Variants in SNX13 observed in about 807,000 individuals in gnomAD.
SNX13 encodes the protein sorting nexin-13.
SNX13 carries 45 observed loss-of-function variants against 133.6 expected under a neutral mutation model. That is an observed-to-expected ratio of 0.34 (90% CI 0.27 to 0.43). The LOEUF (loss-of-function observed/expected upper bound fraction) is 0.43. SNX13 is among the 20% of genes least tolerant of loss of function. The pLI, the probability that SNX13 is intolerant of heterozygous loss-of-function variation, is 1.00. For missense variants in SNX13, 1,032 were observed against 1,145.1 expected (o/e 0.90, Z 1.43); for synonymous variants, 414 against 373.9 (o/e 1.11, Z -1.24).
chr7:17,801,776 T>C (rs1442419415), intron 21 of SNX13, 117 bp from the exon 22 acceptor site: 19 of 646,986 alleles, frequency 2.9e-5, no homozygotes, highest in Non-Finnish European at 4.2e-5. Flanking sequence ...GTACAATATA[T>C]AAGCCAAATT....
intron 12 of SNX13, among the ~76,000 whole-genome samples, chr7:17,845,061 C>G (rs896026206): frequency 1.3e-5 from 2 of 151,914 alleles, no homozygotes; most frequent in African/African-American, 4.8e-5. Context: ...CACTTCGTTT[C>G]AACATAGTAC....
intron 1 of SNX13, among the ~76,000 whole-genome samples, chr7:17,933,347 T>C (rs1313331959): frequency 1.3e-5 from 2 of 152,000 alleles, no homozygotes; most frequent in Non-Finnish European, 2.9e-5. Context: ...ATGGAGACCA[T>C]CGTGGCTAAC....
At chr7:17,903,314 C>T (rs191788898) in intron 1 of SNX13, among the ~76,000 whole-genome samples, 2 of 152,282 alleles carry the variant, frequency 1.3e-5, no homozygotes, top group Admixed American at 1.3e-4. Flanking sequence ...GAAGGAAGGA[C>T]AATTATATAT....
At chr7:17,913,181 G>T (rs1477339181) in intron 1 of SNX13, among the ~76,000 whole-genome samples, 2 of 152,158 alleles carry the variant, frequency 1.3e-5, no homozygotes, top group Non-Finnish European at 2.9e-5. Flanking sequence ...AACCCACCTT[G>T]GGTCAAAGGA....
At chr7:17,934,236 T>C (rs183593835) in intron 1 of SNX13, among the ~76,000 whole-genome samples, 65 of 152,264 alleles carry the variant, frequency 4.3e-4, no homozygotes, top group Admixed American at 9.1e-4. Context: ...GACTCTGAAA[T>C]AGAAAGTCAA....
intron 1 of SNX13, among the ~76,000 whole-genome samples, chr7:17,902,006 T>C (rs1797892090): frequency 6.6e-6 from 1 of 152,090 alleles, no homozygotes; most frequent in Non-Finnish European, 1.5e-5. Flanking sequence ...CAAAAAAGAG[T>C]CAAAATGAGT....
At chr7:17,913,837 T>C (rs1040709461) in intron 1 of SNX13, among the ~76,000 whole-genome samples, 12 of 137,824 alleles carry the variant, frequency 8.7e-5, no homozygotes, top group Non-Finnish European at 1.6e-4. Flanking sequence ...ACTCCGACAA[T>C]ACAAAAGCCA....
intron 1 of SNX13, among the ~76,000 whole-genome samples, chr7:17,933,265 C>T (rs1801611280): frequency 6.6e-6 from 1 of 152,156 alleles, no homozygotes; most frequent in Admixed American, 6.5e-5. Context: ...TTAAGGCGGC[C>T]GGGCCCAGTG....
At chr7:17,919,722 G>A (rs1350882893) in intron 1 of SNX13, among the ~76,000 whole-genome samples, 5 of 152,140 alleles carry the variant, frequency 3.3e-5, no homozygotes, top group East Asian at 3.8e-4. Context: ...GGAGGAAAGC[G>A]AAACAAGCAT....
intron 1 of SNX13, among the ~76,000 whole-genome samples, chr7:17,938,964 C>T (rs909275563): frequency 2.6e-5 from 4 of 152,142 alleles, no homozygotes; most frequent in Non-Finnish European, 4.4e-5. Context: ...TCTCAATTAA[C>T]TCCAAGAATG....
chr7:17,871,376 T>C (rs1265844575), intron 8 of SNX13, among the ~76,000 whole-genome samples: 2 of 152,064 alleles, frequency 1.3e-5, no homozygotes, highest in African/African-American at 4.8e-5. Flanking sequence ...TGGGGGAAAA[T>C]GCCAGTGTGG....
intron 12 of SNX13, among the ~76,000 whole-genome samples, chr7:17,841,553 T>TACACACACAC (rs71553704): frequency 0.1 from 14,941 of 142,970 alleles, 1,049 homozygotes; most frequent in East Asian, 0.18. Flanking sequence ...CAGTTATTCA[T>TACACACACAC]ACACACACAC....
chr7:17,803,126 C>T (rs371770920), intron 21 of SNX13, among the ~76,000 whole-genome samples: 3 of 152,068 alleles, frequency 2.0e-5, no homozygotes, highest in East Asian at 3.8e-4. Flanking sequence ...ATAAAAATGG[C>T]ATAATGAAAT....
chr7:17,849,775 G>A (rs942760109), intron 11 of SNX13, among the ~76,000 whole-genome samples: 3 of 152,152 alleles, frequency 2.0e-5, no homozygotes, highest in Admixed American at 6.5e-5. Flanking sequence ...TACTTCAAAG[G>A]CAAACAAAAA....
intron 16 of SNX13, among the ~76,000 whole-genome samples, chr7:17,827,505 G>A (rs766056070): frequency 6.6e-6 from 1 of 151,786 alleles, no homozygotes; most frequent in Admixed American, 6.6e-5. Context: ...CTAAGAAGAA[G>A]GCCAAAAATG....
intron 5 of SNX13, 80 bp from the exon 6 acceptor site, chr7:17,875,870 A>G (rs1019487740): frequency 8.9e-7 from 1 of 1,127,940 alleles, no homozygotes; most frequent in African/African-American, 1.6e-5. Context: ...GACTACTGAC[A>G]AACAACATGA....
At chr7:17,895,794 T>G (rs945200005) in intron 2 of SNX13, among the ~76,000 whole-genome samples, 4 of 152,192 alleles carry the variant, frequency 2.6e-5, no homozygotes, top group African/African-American at 9.6e-5. Flanking sequence ...CTCTTCTCTT[T>G]TTCCTAAATT....
At chr7:17,913,726 A>G (rs1208173707) in intron 1 of SNX13, among the ~76,000 whole-genome samples, 2 of 150,084 alleles carry the variant, frequency 1.3e-5, no homozygotes, top group Admixed American at 1.3e-4. Context: ...AAAAATCAAA[A>G]AGCCCGAGCC....
intron 5 of SNX13, among the ~76,000 whole-genome samples, chr7:17,887,071 A>AAGG (rs1469723878): frequency 2.0e-5 from 3 of 152,140 alleles, no homozygotes; most frequent in African/African-American, 7.2e-5. Context: ...AACTTTACTG[A>AAGG]ACACTTACTA....
Sources: allele counts gnomAD v4.1 joint callset (sites outside exome capture counted in the v4.1 genomes callset), GRCh38; gene constraint gnomAD v4.1.1; transcripts MANE v1.5; gene names NCBI Gene and HGNC (gene_info 2026-07-23, HGNC 2026-07-21).